The following PSIP1 variants were observed in gnomAD, a reference collection of about 807,000 sequenced individuals.
PSIP1 encodes PC4 and SRSF1 interacting protein 1.
In PSIP1, 19 loss-of-function variants were observed where a neutral mutation model predicts 74.7. The ratio of observed to expected loss-of-function variants is 0.25; its 90% CI spans 0.18 to 0.37. The LOEUF is 0.37. Among genes scored for constraint, PSIP1 ranks in the 10% least tolerant of loss-of-function variants. PSIP1 has a pLI of 1.00. For synonymous variants in PSIP1, 222 were observed against 195.3 expected, an observed-to-expected ratio of 1.14 and a Z score of -1.14; for missense variants, 601 against 614.3, an observed-to-expected ratio of 0.98 and a Z score of 0.23.
At chr9:15,483,754 G>A (rs1479954760) in intron 6 of PSIP1, among the ~76,000 whole-genome samples, 1 of 152,168 alleles carries the variant, frequency 6.6e-6, no homozygotes, top group Non-Finnish European at 1.5e-5. Flanking sequence ...CATTCTTTGG[G>A]AGGCTAAGGA....
intron 10 of PSIP1, among the ~76,000 whole-genome samples, 193 bp from the exon 11 acceptor site, chr9:15,470,186 G>T (rs2035766135): frequency 6.6e-6 from 1 of 152,152 alleles, no homozygotes; most frequent in Non-Finnish European, 1.5e-5. Context: ...TAACATGCTA[G>T]ATTAAATCAT....
Position 15,475,454 on chromosome 9 carries a change from G to A in PSIP1, c.630-1217C>T, listed in dbSNP as rs186293822. ...TCTCCCAAAATGTTACACCTGTATG[G>A]AAGGAAATAGCTATTAAAAATACAA... On this transcript the variant is annotated intron_variant, in intron 8 of 15. Transcript: ENST00000380733. 2.8e-3 allele frequency among the ~76,000 whole-genome samples: 432 copies of A among 152,202 alleles called. 2 individuals carry two copies. Among genetic ancestry groups the A allele is most frequent in the Middle Eastern group, 0.017 (5 of 294 alleles).
intron 7 of PSIP1, among the ~76,000 whole-genome samples, chr9:15,478,798 A>G (rs1438044340): frequency 6.6e-6 from 1 of 152,146 alleles, no homozygotes; most frequent in Non-Finnish European, 1.5e-5. Context: ...GAGAGGGCTT[A>G]AAACATTTTT....
chr9:15,490,087 C>T lies in PSIP1; in HGVS notation c.187G>A (p.Glu63Lys), dbSNP rs1396877687. Residue 63 changes from glutamate (E) to lysine (K), a missense_variant, in exon 4 of 16, where the codon GAA becomes AAA. Transcript: ENST00000380733. ...GGTTTGCCATACTTTTCCTTATTTT[C>T]TGAGTAAGGAAATATATCCTTTGGT... ...LGPKDIFPYSENKEKYGKPNK... is the reference protein window; with the variant it reads ...LGPKDIFPYSKNKEKYGKPNK... 3 of 1,604,618 alleles carry T rather than the reference C, an allele frequency of 1.9e-6. No homozygotes were observed.
intron 6 of PSIP1, among the ~76,000 whole-genome samples, chr9:15,483,529 T>TC (rs1164720051): frequency 6.6e-6 from 1 of 152,128 alleles, no homozygotes; most frequent in Non-Finnish European, 1.5e-5. Context: ...ACTCATTAAC[T>TC]CCCCATTTAA....
chr9:15,469,384 A>T, intron 11 of PSIP1, 48 bp from the exon 12 acceptor site: 3 of 1,231,248 alleles, frequency 2.4e-6, no homozygotes, highest in Non-Finnish European at 3.5e-6. Flanking sequence ...TTCCAAAACC[A>T]GTATTTCTAT....
chr9:15,508,988 T>G lies in PSIP1; in HGVS notation c.72+1129A>C, dbSNP rs138955046. 1.3e-3 allele frequency among the ~76,000 whole-genome samples: 191 copies of G among 152,266 alleles called. 1 individual carries two copies. Among genetic ancestry groups the G allele is most frequent in the African/African-American group, 4.3e-3 (179 of 41,544 alleles). On this transcript the variant is annotated intron_variant, in intron 2 of 15. Coordinates refer to ENST00000380733, the MANE Select transcript of PSIP1 (RefSeq NM_033222.5). ...AGGAAAAAAGCTTTGGAAGGAAACT[T>G]GTGAACAGGAGTTTACGTAGAGCAG...
At chr9:15,483,786 G>A (rs1295584907) in intron 6 of PSIP1, among the ~76,000 whole-genome samples, 1 of 152,154 alleles carries the variant, frequency 6.6e-6, no homozygotes, top group Non-Finnish European at 1.5e-5. Flanking sequence ...AAGGTGAGGA[G>A]TTCAAGACCT....
chr9:15,490,777 C>T (rs565454176), intron 3 of PSIP1, among the ~76,000 whole-genome samples: 2 of 149,392 alleles, frequency 1.3e-5, no homozygotes, highest in East Asian at 2.0e-4. Context: ...ACACATTTAA[C>T]TGCACCCCAA....
chr9:15,469,302 A>G lies in PSIP1; in HGVS notation c.1068T>C (p.His356=). ...TSMDSRLQRI[H]AEIKNSLKID... ...TTTTGAGTGAATTTTTAATCTCAGC[A>G]TGTATCCTTTGAAGTCGAGAATCCA... Residue 356 remains histidine, a synonymous_variant, in exon 12 of 16, where the codon CAT becomes CAC. Coordinates refer to ENST00000380733, the MANE Select transcript of PSIP1 (RefSeq NM_033222.5). The G allele has an allele frequency of 1.9e-6, 3 of 1,574,062 alleles. No homozygotes were observed. The highest frequency in any genetic ancestry group is 2.6e-6 in the Non-Finnish European group (3 of 1,156,928).
intron 3 of PSIP1, among the ~76,000 whole-genome samples, chr9:15,500,851 G>T (rs114406574): frequency 0.01 from 1,523 of 152,260 alleles, 20 homozygotes; most frequent in African/African-American, 0.035. Context: ...GGTAGGAATA[G>T]TCCCTGAATT....
chr9:15,483,896 G>C (rs1185752694), intron 6 of PSIP1, among the ~76,000 whole-genome samples: 1 of 152,142 alleles, frequency 6.6e-6, no homozygotes, highest in South Asian at 2.1e-4. Flanking sequence ...GGGAGGCAGA[G>C]GTGAGCAGAT....
intron 3 of PSIP1, among the ~76,000 whole-genome samples, chr9:15,493,746 A>C (rs2036945181): frequency 6.6e-6 from 1 of 152,192 alleles, no homozygotes; most frequent in African/African-American, 2.4e-5. Flanking sequence ...GACACTTATG[A>C]AACCATCAGA....
At chr9:15,508,129 C>T (rs1159473846) in intron 2 of PSIP1, among the ~76,000 whole-genome samples, 4 of 152,006 alleles carry the variant, frequency 2.6e-5, no homozygotes, top group African/African-American at 4.8e-5. Flanking sequence ...TACTGGTAAA[C>T]GATTATGTAC....
chr9:15,502,031 C>A (rs2037372590), intron 3 of PSIP1, among the ~76,000 whole-genome samples: 1 of 152,008 alleles, frequency 6.6e-6, no homozygotes, highest in Non-Finnish European at 1.5e-5. Context: ...TAGATCCTCA[C>A]AGAAGCACAA....
At chr9:15,473,020 C>T (rs1042183791) in intron 9 of PSIP1, among the ~76,000 whole-genome samples, 1 of 152,124 alleles carries the variant, frequency 6.6e-6, no homozygotes, top group African/African-American at 2.4e-5. Context: ...TGCCTCTCTA[C>T]AGAGTGATTT....
intron 4 of PSIP1, among the ~76,000 whole-genome samples, chr9:15,489,623 A>AG (rs1161905141): frequency 6.6e-6 from 1 of 151,272 alleles, no homozygotes; most frequent in African/African-American, 2.4e-5. Flanking sequence ...AAAAAAAAAA[A>AG]AAAAAGAAAT....
chr9:15,508,975 T>C (rs1016743593), intron 2 of PSIP1, among the ~76,000 whole-genome samples: 1 of 152,080 alleles, frequency 6.6e-6, no homozygotes, highest in African/African-American at 2.4e-5. Context: ...GAAAAAAGCT[T>C]TGGAAGGAAA....
rs759302497 is a variant in PSIP1 at position 15,506,644 on chromosome 9, G to A, written c.73-7C>T. ...CATCAGGAACTTCGTCTACCTAAAA[G>A]AAAAGTGAGAAAAATTAAAATATTT... On this transcript the variant is annotated splice_region_variant and splice_polypyrimidine_tract_variant and intron_variant, in intron 2 of 15. Coordinates refer to ENST00000380733, the MANE Select transcript of PSIP1 (RefSeq NM_033222.5). 2 of 1,588,104 alleles carry A rather than the reference G, an allele frequency of 1.3e-6. No individual in the cohort carries two copies. The highest frequency in any genetic ancestry group is 1.1e-5 in the South Asian group (1 of 90,450).
Sources: allele counts gnomAD v4.1 joint callset (sites outside exome capture counted in the v4.1 genomes callset), GRCh38; gene constraint gnomAD v4.1.1; transcripts MANE v1.5; gene names NCBI Gene and HGNC (gene_info 2026-07-23, HGNC 2026-07-21).